Variants in AKAP7 observed in about 807,000 individuals in gnomAD.
AKAP7 encodes A kinase (PRKA) anchor protein 7.
AKAP7 carries 39 observed loss-of-function variants against 39.5 expected under a neutral mutation model. That is an observed-to-expected ratio of 0.99 (90% CI 0.76 to 1.29). The LOEUF (loss-of-function observed/expected upper bound fraction) is 1.29. AKAP7 is among the 50% of genes most tolerant of loss of function. The pLI is 0.00. For missense variants in AKAP7, 414 were observed against 407.7 expected (o/e 1.02, Z -0.13); for synonymous variants, 140 against 139.1 (o/e 1.01, Z -0.05).
chr6:131,270,970 A>T (rs1442305843), intron 7 of AKAP7, among the ~76,000 whole-genome samples: 4 of 152,146 alleles, frequency 2.6e-5, no homozygotes, highest in Non-Finnish European at 5.9e-5. Flanking sequence ...TCTCGCTACA[A>T]GTTCTTTAAT....
At chr6:131,149,783 G>T (rs1297655089) in intron 2 of AKAP7, among the ~76,000 whole-genome samples, 1 of 152,232 alleles carries the variant, frequency 6.6e-6, no homozygotes, top group Non-Finnish European at 1.5e-5. Context: ...GGGAAATGTT[G>T]TGGGTCAGTT....
chr6:131,250,635 G>A, intron 7 of AKAP7: 4 of 1,612,392 alleles, frequency 2.5e-6, no homozygotes, highest in Non-Finnish European at 2.5e-6. Flanking sequence ...GATTTGTACT[G>A]TGCAGAATCC....
chr6:131,247,975 G>T (rs970533067), intron 7 of AKAP7, among the ~76,000 whole-genome samples: 10 of 152,126 alleles, frequency 6.6e-5, no homozygotes, highest in Admixed American at 6.5e-4. Context: ...ACAGGGAATG[G>T]TTAATAATAA....
At chr6:131,255,837 T>A (rs561875045) in intron 7 of AKAP7, among the ~76,000 whole-genome samples, 10 of 152,346 alleles carry the variant, frequency 6.6e-5, no homozygotes, top group African/African-American at 2.2e-4. Flanking sequence ...GTGATATAGA[T>A]GTGATGCAAT....
intron 2 of AKAP7, among the ~76,000 whole-genome samples, chr6:131,157,815 G>C (rs1802559951): frequency 6.6e-6 from 1 of 152,134 alleles, no homozygotes; most frequent in Non-Finnish European, 1.5e-5. Flanking sequence ...GCTATCATTA[G>C]CCACATTAAT....
intron 6 of AKAP7, among the ~76,000 whole-genome samples, chr6:131,208,142 CA>C (rs758702664): frequency 6.6e-6 from 1 of 152,128 alleles, no homozygotes; most frequent in Non-Finnish European, 1.5e-5. Context: ...CATTAGTCAA[CA>C]CTGTCATCTA....
Position 131,282,199 on chromosome 6 carries a change from T to C in AKAP7, c.*473T>C, listed in dbSNP as rs1021501928. 7.8e-7 allele frequency: 1 copy of C among 1,289,580 alleles called. No individual in the cohort carries two copies. The highest frequency in any genetic ancestry group is 1.5e-5 in the African/African-American group (1 of 65,994). 79.9% of individuals were successfully genotyped at this position (1,289,580 alleles called of 1,614,324 possible). ...TACAATTAGTCCATAATGTTTCATG[T>C]TTGTCCTAAGTGTGCTGTTGCTATG... On this transcript the variant is annotated 3_prime_UTR_variant, in exon 8 of 8. Transcript: ENST00000431975.
chr6:131,186,018 C>T (rs1473412410), intron 5 of AKAP7, among the ~76,000 whole-genome samples: 1 of 152,126 alleles, frequency 6.6e-6, no homozygotes, highest in Non-Finnish European at 1.5e-5. Context: ...AAGGGACTAA[C>T]TTCATTCTTT....
intron 7 of AKAP7, among the ~76,000 whole-genome samples, chr6:131,237,661 T>C (rs968042634): frequency 1.3e-5 from 2 of 152,146 alleles, no homozygotes; most frequent in Admixed American, 1.3e-4. Context: ...GGAATTTATC[T>C]GTTTCTTCTA....
chr6:131,262,641 CAA>C (rs1418581932), intron 7 of AKAP7, among the ~76,000 whole-genome samples: 1 of 151,642 alleles, frequency 6.6e-6, no homozygotes, highest in South Asian at 2.1e-4. Flanking sequence ...TGCAATAATT[CAA>C]GTTAGTTGTT....
intron 7 of AKAP7, among the ~76,000 whole-genome samples, chr6:131,258,911 G>A (rs1171177795): frequency 6.6e-6 from 1 of 152,130 alleles, no homozygotes; most frequent in Non-Finnish European, 1.5e-5. Context: ...CAAGATGCTT[G>A]GTGTGGATTG....
At chr6:131,215,967 A>G (rs944607984) in intron 6 of AKAP7, among the ~76,000 whole-genome samples, 1 of 152,246 alleles carries the variant, frequency 6.6e-6, no homozygotes, top group African/African-American at 2.4e-5. Context: ...AAAACATAGC[A>G]GAAATCAAAT....
At chr6:131,213,121 A>G (rs1432275592) in intron 6 of AKAP7, among the ~76,000 whole-genome samples, 1 of 152,218 alleles carries the variant, frequency 6.6e-6, no homozygotes, top group Non-Finnish European at 1.5e-5. Flanking sequence ...AGCACAACAC[A>G]TTCTACCATG....
chr6:131,144,504 C>T (rs1030197065), intron 1 of AKAP7, among the ~76,000 whole-genome samples: 4 of 152,112 alleles, frequency 2.6e-5, no homozygotes, highest in Admixed American at 1.3e-4. Context: ...CTTATTAGTT[C>T]GGACAGCATT....
At chr6:131,131,643 C>G (rs988994827), upstream of AKAP7, among the ~76,000 whole-genome samples, 1 of 152,056 alleles carries the variant, frequency 6.6e-6, no homozygotes, top group Non-Finnish European at 1.5e-5. Context: ...TCTTTGCCTT[C>G]TAGTGGCGTA....
intron 7 of AKAP7, 144 bp downstream of exon 7, chr6:131,219,952 T>C (rs767626434): frequency 1.0e-5 from 6 of 579,004 alleles, no homozygotes; most frequent in South Asian, 9.7e-5. Flanking sequence ...CAATGATACA[T>C]TGAAAATTTT....
intron 7 of AKAP7, among the ~76,000 whole-genome samples, chr6:131,245,046 C>G (rs891454022): frequency 3.9e-5 from 6 of 152,064 alleles, no homozygotes; most frequent in Non-Finnish European, 8.8e-5. Flanking sequence ...AAGACTGATT[C>G]TTTTTGCAGG....
chr6:131,217,839 A>G (rs1466651101), intron 6 of AKAP7, among the ~76,000 whole-genome samples: 1 of 152,096 alleles, frequency 6.6e-6, no homozygotes, highest in African/African-American at 2.4e-5. Context: ...GAAGGTTCTT[A>G]TTTGTCTGCT....
At chr6:131,242,909 C>G (rs1811730119) in intron 7 of AKAP7, among the ~76,000 whole-genome samples, 1 of 152,134 alleles carries the variant, frequency 6.6e-6, no homozygotes, top group Non-Finnish European at 1.5e-5. Flanking sequence ...AAGGAGAAAC[C>G]AACATCCTTC....
Sources: gnomAD v4.1 joint callset for allele counts (sites outside exome capture counted in the v4.1 genomes callset) on GRCh38, gnomAD v4.1.1 for gene constraint, MANE v1.5 for transcripts, NCBI Gene and HGNC (gene_info 2026-07-23, HGNC 2026-07-21) for gene names.